LRRK2: variants seen among roughly 807,000 people sequenced by gnomAD.
LRRK2 encodes leucine-rich repeat serine/threonine-protein kinase 2.
A neutral mutation model predicts 302.6 loss-of-function variants in LRRK2; 203 were observed. That is an observed-to-expected ratio of 0.67 (90% confidence interval 0.60 to 0.75). The LOEUF (loss-of-function observed/expected upper bound fraction) is 0.75, where lower values mean the gene tolerates loss of function less well. LRRK2 is among the 30% of genes least tolerant of loss of function. LRRK2 has a pLI of 0.00. For synonymous variants in LRRK2, 1,066 were observed against 1,031.9 expected (o/e 1.03, Z -0.63); for missense variants, 2,830 against 2,951.0 (o/e 0.96, Z 0.95).
At position 40,300,993 on chromosome 12, in the gene LRRK2, A is replaced by G. The variant is rs1944603616; in HGVS notation, c.3496+1736A>G. ...ATCTCACAATGATCCTAATGGTCATACCTAGGACAGGTATGACCTCTGCCC... is the reference window on the plus strand; with the variant it reads ...ATCTCACAATGATCCTAATGGTCATGCCTAGGACAGGTATGACCTCTGCCC... On this transcript the variant is annotated intron_variant, in intron 25 of 50. Transcript: ENST00000298910. The G allele has an allele frequency of 4.1e-5, 19 of 468,876 alleles. 1 individual carries two copies. Among genetic ancestry groups the G allele is most frequent in the South Asian group, 2.9e-4 (19 of 64,572 alleles). The allele number at this position is 468,876 out of a possible 1,614,324, so 29.0% of individuals were successfully genotyped here. A position where few individuals can be genotyped will look rare whatever the true frequency, so the allele number is the denominator to read the frequency against.
chr12:40,251,359 G>A lies in LRRK2; in HGVS notation c.1086G>A (p.Lys362=). 6.2e-7 allele frequency: 1 copy of A among 1,613,914 alleles called. No homozygotes were observed. ...ACYKALTWHR[K]NKHVQEAACW... Reference sequence around the variant, plus strand: ...ACAAAGCATTAACGTGGCATAGAAAGAACAAGCACGTGCAGGTAGGACTCT... The same window carrying A: ...ACAAAGCATTAACGTGGCATAGAAAAAACAAGCACGTGCAGGTAGGACTCT... Residue 362 remains lysine, a synonymous_variant, in exon 9 of 51, where the codon AAG becomes AAA. Coordinates refer to ENST00000298910, the MANE Select transcript of LRRK2 (RefSeq NM_198578.4).
At chr12:40,330,213 T>C (rs1945674525) in intron 39 of LRRK2, among the ~76,000 whole-genome samples, 1 of 152,220 alleles carries the variant, frequency 6.6e-6, no homozygotes, top group Non-Finnish European at 1.5e-5. Context: ...AAGGTGTTTG[T>C]GAGGTAAATG....
intron 31 of LRRK2, among the ~76,000 whole-genome samples, chr12:40,311,011 A>T (rs1343230609): frequency 6.6e-6 from 1 of 151,894 alleles, no homozygotes; most frequent in Non-Finnish European, 1.5e-5. Context: ...AGGTCTTGGG[A>T]TCATCTTTCT....
intron 47 of LRRK2, among the ~76,000 whole-genome samples, chr12:40,363,162 CTTTAT>C (rs1202357169): frequency 1.3e-5 from 2 of 151,924 alleles, no homozygotes; most frequent in African/African-American, 4.8e-5. Context: ...TGGACATAAT[CTTTAT>C]TTTATTATCA....
At chr12:40,277,358 G>A (rs73108352) in intron 16 of LRRK2, among the ~76,000 whole-genome samples, 1,955 of 152,192 alleles carry the variant, frequency 0.013, 56 homozygotes, top group African/African-American at 0.042. Flanking sequence ...TGCCCTCAGC[G>A]CTTCTCAACT....
chr12:40,313,881 CT>C lies in LRRK2; in HGVS notation c.4537-90del, dbSNP rs1285334261. 11 of 944,402 alleles carry C rather than the reference CT, an allele frequency of 1.2e-5. No homozygotes were observed. In the African/African-American group the frequency reaches 1.5e-4, roughly 13 times the overall value. 58.5% of individuals were successfully genotyped at this position (944,402 alleles called of 1,614,324 possible). A position where few individuals can be genotyped will look rare whatever the true frequency, so the allele number is the denominator to read the frequency against. On this transcript the variant is annotated intron_variant, in intron 31 of 50. Transcript: ENST00000298910. ...GTACTTCTGAATAATATATCTGTTT[CT>C]GTAAAAACTGTTAGCACTGAATTTG...
chr12:40,304,141 C>A lies in LRRK2; in HGVS notation c.3777+7C>A. On this transcript the variant is annotated splice_region_variant and intron_variant, in intron 27 of 50. Coordinates refer to ENST00000298910, the MANE Select transcript of LRRK2 (RefSeq NM_198578.4). ...TCACAATAAACTGAAAGAGGTAAGACGATTATTGCCACTTAAAAAATATAC... is the reference window on the plus strand; with the variant it reads ...TCACAATAAACTGAAAGAGGTAAGAAGATTATTGCCACTTAAAAAATATAC... The A allele has an allele frequency of 6.2e-7, 1 of 1,610,222 alleles. No individual in the cohort carries two copies. Among genetic ancestry groups the A allele is most frequent in the South Asian group, 1.1e-5 (1 of 90,794 alleles).
chr12:40,344,568 T>C (rs917544040), intron 41 of LRRK2, among the ~76,000 whole-genome samples: 2 of 152,320 alleles, frequency 1.3e-5, no homozygotes, highest in South Asian at 4.1e-4. Flanking sequence ...AAAGTCCTTA[T>C]CTGTCTACCA....
intron 43 of LRRK2, among the ~76,000 whole-genome samples, chr12:40,348,742 G>A (rs1454105131): frequency 6.6e-6 from 1 of 151,918 alleles, no homozygotes; most frequent in African/African-American, 2.4e-5. Context: ...TGAAATGCCT[G>A]CCCATTATTT....
In LRRK2 at chr12:40,351,539, G is replaced by A. The variant is rs1255533036; in HGVS notation, c.6382G>A (p.Val2128Ile). Reference protein sequence around the residue: ...NPQERPTSAQVFDILNSAELV... With the variant: ...NPQERPTSAQIFDILNSAELV... Reference sequence around the variant, plus strand: ...TTTTGTTATCTTTAAACTTTCTCAGGTCTTTGACATTTTGAATTCAGCTGA... The same window carrying A: ...TTTTGTTATCTTTAAACTTTCTCAGATCTTTGACATTTTGAATTCAGCTGA... Residue 2128 changes from valine (V) to isoleucine (I), a missense_variant and splice_region_variant, in exon 44 of 51, where the codon GTC becomes ATC. This residue lies in a region of LRRK2 where 253 missense variants were observed against 346.7 expected (regional missense o/e 0.73). Transcript: ENST00000298910. The A allele has an allele frequency of 1.9e-6, 3 of 1,613,916 alleles. No individual in the cohort carries two copies. The highest frequency in any genetic ancestry group is 1.1e-5 in the South Asian group (1 of 91,068).
chr12:40,272,705 CTG>C (rs1268282484), intron 14 of LRRK2, among the ~76,000 whole-genome samples: 1 of 152,002 alleles, frequency 6.6e-6, no homozygotes, highest in African/African-American at 2.4e-5. Flanking sequence ...ATTTTAAAGA[CTG>C]AGAATAATTA....
intron 18 of LRRK2, among the ~76,000 whole-genome samples, chr12:40,283,181 A>G (rs1237498251): frequency 6.6e-6 from 1 of 152,154 alleles, no homozygotes; most frequent in African/African-American, 2.4e-5. Flanking sequence ...GCTCTTCCTG[A>G]GTAGGGCCAG....
intron 1 of LRRK2, 47 bp from the exon 2 acceptor site, chr12:40,225,508 C>CTGTGGAT: frequency 6.7e-7 from 1 of 1,493,552 alleles, no homozygotes; most frequent in Non-Finnish European, 9.3e-7. Flanking sequence ...AGAGGGGGTG[C>CTGTGGAT]TGTGGATTGT....
intron 2 of LRRK2, among the ~76,000 whole-genome samples, chr12:40,226,830 G>A (rs1565660889): frequency 6.6e-6 from 1 of 152,086 alleles, no homozygotes; most frequent in African/African-American, 2.4e-5. Flanking sequence ...CTGCACCCAC[G>A]TCATCCCTTC....
At chr12:40,299,034 A>G (rs1311059805) in intron 24 of LRRK2, 75 bp from the exon 25 acceptor site, 3 of 1,489,006 alleles carry the variant, frequency 2.0e-6, no homozygotes, top group Admixed American at 3.6e-5. Context: ...TTTGAAAGCA[A>G]ATTGTTTTTG....
chr12:40,322,200 A>G lies in LRRK2; in HGVS notation c.5317+19A>G. 1 of 1,602,026 alleles carries G rather than the reference A, an allele frequency of 6.2e-7. No homozygotes were observed. The highest frequency in any genetic ancestry group is 8.5e-7 in the Non-Finnish European group (1 of 1,171,788). On this transcript the variant is annotated intron_variant, in intron 36 of 50. Transcript: ENST00000298910. ...AGAAAAGGTAAGGAAATCAATTTGA[A>G]TGTTTTCAATTGCAACACTAAAGAA...
chr12:40,316,155 G>A (rs10878356), intron 33 of LRRK2: 31,340 of 190,012 alleles, frequency 0.16, 3,073 homozygotes, highest in Middle Eastern at 0.28. Context: ...TTTGCATGTG[G>A]CTGCCCGAGT....
intron 14 of LRRK2, among the ~76,000 whole-genome samples, chr12:40,272,540 G>A (rs546138349): frequency 2.0e-4 from 30 of 152,198 alleles, no homozygotes; most frequent in African/African-American, 6.5e-4. Context: ...GTGCTACCTC[G>A]GTTTTGGCAT....
intron 8 of LRRK2, among the ~76,000 whole-genome samples, chr12:40,250,425 A>T (rs1942204814): frequency 6.6e-6 from 1 of 152,104 alleles, no homozygotes; most frequent in African/African-American, 2.4e-5. Context: ...GGAGGGTAGG[A>T]GTTGAAGTGA....
Sources: gnomAD v4.1 joint callset for allele counts (sites outside exome capture counted in the v4.1 genomes callset) on GRCh38, gnomAD v4.1.1 for gene constraint, gnomAD v4.1.1 regional missense constraint, MANE v1.5 for transcripts, NCBI Gene and HGNC (gene_info 2026-07-23, HGNC 2026-07-21) for gene names.